Variants in SPTLC1 observed in about 807,000 individuals in gnomAD.
SPTLC1 encodes serine palmitoyltransferase 1.
A neutral mutation model predicts 68.9 loss-of-function variants in SPTLC1; 55 were observed. The observed-to-expected ratio is 0.80, with a 90% CI of 0.64 to 1.00. The LOEUF (loss-of-function observed/expected upper bound fraction) is 1.00, where lower values mean the gene tolerates loss of function less well. Among genes scored for constraint, SPTLC1 ranks in the 50% least tolerant of loss-of-function variants. SPTLC1 has a pLI of 0.00. For synonymous variants in SPTLC1, 197 were observed against 201.6 expected (o/e 0.98, Z 0.19); for missense variants, 449 against 573.1 (o/e 0.78, Z 2.21).
At position 92,068,026 on chromosome 9, in the gene SPTLC1, C is replaced by A. The variant is rs1244340808; in HGVS notation, c.500G>T (p.Gly167Val). The change falls in exon 6 of 15, where the codon GGA becomes GTA. Residue 167 changes from glycine to valine, a missense_variant. Transcript: ENST00000262554. Reference protein sequence around the residue: ...KTEEAIIYSYGFATIASAIPA... With the variant: ...KTEEAIIYSYVFATIASAIPA... ...AATAGCACTGGCTATGGTGGCAAAT[C>A]CATATGAGTATATAATGGCTTCTTC... 7.4e-6 allele frequency: 12 copies of A among 1,613,966 alleles called. No individual in the cohort carries two copies. Among genetic ancestry groups the A allele is most frequent in the Non-Finnish European group, 9.3e-6 (11 of 1,180,000 alleles).
chr9:92,042,390 C>A (rs554890420), intron 12 of SPTLC1, among the ~76,000 whole-genome samples: 1 of 152,266 alleles, frequency 6.6e-6, no homozygotes, highest in Non-Finnish European at 1.5e-5. Context: ...GAAACAATTA[C>A]TGGAAATACT....
Position 92,067,938 on chromosome 9 carries a change from A to T in SPTLC1, c.560+28T>A, listed in dbSNP as rs752885462. ...TCAGTATTATTTCAAAGGAACTGCT[A>T]TTAGAAAACTACGTAAAGTTTACTT... On this transcript the variant is annotated intron_variant, in intron 6 of 14. Coordinates refer to ENST00000262554, the MANE Select transcript of SPTLC1 (RefSeq NM_006415.4). The T allele has an allele frequency of 2.5e-6, 4 of 1,610,064 alleles. No homozygotes were observed. In the East Asian group the frequency reaches 8.9e-5, roughly 36 times the overall value.
intron 5 of SPTLC1, among the ~76,000 whole-genome samples, chr9:92,073,387 G>T (rs1041712629): frequency 1.3e-5 from 2 of 152,196 alleles, no homozygotes; most frequent in South Asian, 2.1e-4. Flanking sequence ...GGCAGTACCC[G>T]TGAAGGCCCC....
intron 13 of SPTLC1, among the ~76,000 whole-genome samples, chr9:92,036,087 G>A (rs929357148): frequency 5.3e-5 from 8 of 152,126 alleles, no homozygotes; most frequent in East Asian, 1.9e-4. Flanking sequence ...CAAAAGATTC[G>A]GAAGATTTTA....
chr9:92,070,872 G>C (rs963391562), intron 5 of SPTLC1, among the ~76,000 whole-genome samples: 3 of 152,092 alleles, frequency 2.0e-5, no homozygotes, highest in African/African-American at 7.2e-5. Flanking sequence ...GTCACACTTA[G>C]GCAATCTTCT....
chr9:92,062,302 T>A (rs1834135115), intron 6 of SPTLC1, among the ~76,000 whole-genome samples: 1 of 152,136 alleles, frequency 6.6e-6, no homozygotes, highest in South Asian at 2.1e-4. Flanking sequence ...AAAGGGTCAA[T>A]TCATCAAGAA....
chr9:92,052,042 T>C (rs942967634), intron 8 of SPTLC1, among the ~76,000 whole-genome samples: 2 of 152,180 alleles, frequency 1.3e-5, no homozygotes, highest in African/African-American at 2.4e-5. Context: ...ACATATTCAA[T>C]GCAATCCCCA....
At chr9:92,094,488 C>T (rs1283076871) in intron 3 of SPTLC1, among the ~76,000 whole-genome samples, 2 of 152,144 alleles carry the variant, frequency 1.3e-5, no homozygotes, top group East Asian at 3.8e-4. Flanking sequence ...AGTTCTGTCC[C>T]TCTCCTCTAA....
chr9:92,032,647 C>T, intron 14 of SPTLC1, 89 bp from the exon 15 acceptor site: 1 of 1,540,716 alleles, frequency 6.5e-7, no homozygotes, highest in Non-Finnish European at 8.9e-7. Flanking sequence ...GAGGCCAAGG[C>T]AGGTGGATCA....
At chr9:92,046,882 G>A (rs981866731) in intron 11 of SPTLC1, among the ~76,000 whole-genome samples, 9 of 152,244 alleles carry the variant, frequency 5.9e-5, no homozygotes, top group South Asian at 4.1e-4. Context: ...CCAATGGAAC[G>A]TTTAGGCCCA....
chr9:92,091,488 T>A (rs1835360156), intron 3 of SPTLC1, among the ~76,000 whole-genome samples: 1 of 152,244 alleles, frequency 6.6e-6, no homozygotes, highest in Non-Finnish European at 1.5e-5. Flanking sequence ...ATAAAACTGC[T>A]GCATGGGGTA....
chr9:92,058,947 G>A (rs568205571), intron 7 of SPTLC1, among the ~76,000 whole-genome samples: 17 of 152,264 alleles, frequency 1.1e-4, no homozygotes, highest in Non-Finnish European at 2.1e-4. Context: ...TGATCTCTCA[G>A]AAAGCTGCTT....
In SPTLC1 at chr9:92,101,585, G is replaced by GAAAAGAA. The variant is rs1177429426; in HGVS notation, c.260+7148_260+7154dup. Among the ~76,000 whole-genome samples the GAAAAGAA allele has an allele frequency of 2.7e-3, 294 of 107,598 alleles. 1 individual carries two copies. Among genetic ancestry groups the GAAAAGAA allele is most frequent in the Middle Eastern group, 9.8e-3 (2 of 204 alleles). The allele number at this position is 107,598 out of a possible 152,430, so 70.6% of individuals were successfully genotyped here. Reference sequence around the variant, plus strand: ...TCAAAAAAAAAAAAAAAAAAAAAGAGAAAAGAAAAAAGAAAACAAACCAAC... The same window carrying GAAAAGAA: ...TCAAAAAAAAAAAAAAAAAAAAAGAGAAAAGAAAAAAGAAAAAAGAAAACAAACCAAC... On this transcript the variant is annotated intron_variant, in intron 3 of 14. Transcript: ENST00000262554.
chr9:92,032,481 T>G lies in SPTLC1; in HGVS notation c.1406A>C (p.Gln469Pro). The G allele has an allele frequency of 1.2e-6, 2 of 1,614,224 alleles. No homozygotes were observed. The highest frequency in any genetic ancestry group is 1.7e-6 in the Non-Finnish European group (2 of 1,180,040). Reference sequence around the variant, plus strand: ...GGACTCTGCCTAGAGCAGGACGGCCTGGGCTACCTCCTTGATGGTGGACGC... The same window carrying G: ...GGACTCTGCCTAGAGCAGGACGGCCGGGGCTACCTCCTTGATGGTGGACGC... ...RAASTIKEVA[Q>P]AVLL Residue 469 changes from glutamine (Q) to proline (P), a missense_variant, in exon 15 of 15, where the codon CAG becomes CCG. Transcript: ENST00000262554.
intron 5 of SPTLC1, among the ~76,000 whole-genome samples, chr9:92,074,673 T>TA (rs1200831822): frequency 1.4e-4 from 21 of 152,168 alleles, no homozygotes; most frequent in Non-Finnish European, 2.4e-4. Flanking sequence ...CATGGCCTCT[T>TA]AGTCCCTACC....
chr9:92,105,815 CG>C, intron 3 of SPTLC1, among the ~76,000 whole-genome samples: 1 of 109,842 alleles, frequency 9.1e-6, no homozygotes, highest in Admixed American at 9.1e-5. Flanking sequence ...GTCCTGTCTG[CG>C]AAGTGAGGAG....
intron 8 of SPTLC1, among the ~76,000 whole-genome samples, chr9:92,054,362 T>C (rs1262003880): frequency 4.6e-5 from 7 of 152,190 alleles, no homozygotes; most frequent in African/African-American, 1.7e-4. Flanking sequence ...GTAAAACTAA[T>C]CTACAGGAAT....
intron 9 of SPTLC1, 23 bp from the exon 10 acceptor site, chr9:92,047,731 A>C (rs1255254642): frequency 3.2e-6 from 5 of 1,551,244 alleles, no homozygotes; most frequent in Non-Finnish European, 4.5e-6. Flanking sequence ...GAGGAGTGAC[A>C]GTTATTCCAC....
intron 12 of SPTLC1, 189 bp from the exon 13 acceptor site, chr9:92,038,554 T>C: frequency 1.6e-6 from 1 of 622,108 alleles, no homozygotes; most frequent in African/African-American, 1.8e-5. Context: ...TGCTTCCTCA[T>C]CTAAAAAAGT....
Sources: gnomAD v4.1 joint callset for allele counts (sites outside exome capture counted in the v4.1 genomes callset) on GRCh38, gnomAD v4.1.1 for gene constraint, MANE v1.5 for transcripts, NCBI Gene and HGNC (gene_info 2026-07-23, HGNC 2026-07-21) for gene names.